The following MYO5B variants were observed in gnomAD, a reference collection of about 807,000 sequenced individuals.
MYO5B encodes unconventional myosin-Vb.
MYO5B carries 143 observed loss-of-function variants against 229.3 expected under a neutral mutation model. That is an observed-to-expected ratio of 0.62 (90% CI 0.54 to 0.72). The LOEUF is 0.72. Among genes scored for constraint, MYO5B ranks in the 30% least tolerant of loss-of-function variants. The probability of loss-of-function intolerance (pLI) is 0.00; values close to 1 mark genes in which losing one functional copy is unlikely to be tolerated. For missense variants in MYO5B, 2,321 were observed against 2,331.0 expected (o/e 1.00, Z 0.09); for synonymous variants, 918 against 885.2 (o/e 1.04, Z -0.66).
At chr18:50,118,894 C>T (rs113503230) in intron 1 of MYO5B, among the ~76,000 whole-genome samples, 2,787 of 152,270 alleles carry the variant, frequency 0.018, 43 homozygotes, top group Non-Finnish European at 0.025. Context: ...TAGTCACAGA[C>T]CACACTAAGA....
At chr18:49,878,364 G>A (rs4939908) in intron 24 of MYO5B, among the ~76,000 whole-genome samples, 36,502 of 151,838 alleles carry the variant, frequency 0.24, 4,514 homozygotes, top group East Asian at 0.42. Context: ...TTGGCTGTCA[G>A]TGTGAAAATT....
At chr18:50,033,219 G>A (rs2026409676) in intron 4 of MYO5B, among the ~76,000 whole-genome samples, 1 of 152,118 alleles carries the variant, frequency 6.6e-6, no homozygotes, top group Non-Finnish European at 1.5e-5. Context: ...GTGCAAGGCA[G>A]TATCTTGTGG....
intron 1 of MYO5B, among the ~76,000 whole-genome samples, chr18:50,102,266 C>T (rs1171760030): frequency 2.0e-5 from 3 of 151,786 alleles, no homozygotes; most frequent in Non-Finnish European, 4.4e-5. Context: ...AGGGGAGAGA[C>T]GAGTTAATAG....
Position 50,171,005 on chromosome 18 carries a change from GCT to G in MYO5B, c.27+23760_27+23761del, listed in dbSNP as rs1325095988. ...GTGAACCCACACCTGCCTCCCTGAG[GCT>G]CTCTCTCCTTGCAGCTAGCATCCCC... On this transcript the variant is annotated intron_variant, in intron 1 of 39. Transcript: ENST00000285039. Among the ~76,000 whole-genome samples the G allele has an allele frequency of 2.4e-5, 3 of 127,094 alleles. 1 individual carries two copies. The highest frequency in any genetic ancestry group is 9.0e-5 in the African/African-American group (3 of 33,426). The allele number at this position is 127,094 out of a possible 152,430, so 83.4% of individuals were successfully genotyped here. A position where few individuals can be genotyped will look rare whatever the true frequency, so the allele number is the denominator to read the frequency against.
intron 1 of MYO5B, among the ~76,000 whole-genome samples, chr18:50,075,949 G>C (rs529320762): frequency 6.6e-6 from 1 of 152,334 alleles, no homozygotes; most frequent in African/African-American, 2.4e-5. Context: ...AGAATGATCA[G>C]AAGGGCTGGA....
chr18:49,911,358 A>G (rs1291269994), intron 18 of MYO5B, among the ~76,000 whole-genome samples: 1 of 152,218 alleles, frequency 6.6e-6, no homozygotes, highest in Non-Finnish European at 1.5e-5. Flanking sequence ...AGTTATAGAA[A>G]CAAATCTTCT....
chr18:50,043,630 ATATAT>A (rs925959167), intron 2 of MYO5B, among the ~76,000 whole-genome samples: 21 of 135,822 alleles, frequency 1.5e-4, no homozygotes, highest in African/African-American at 5.2e-4. Flanking sequence ...AAATATATAA[ATATAT>A]TAAATATATT....
intron 1 of MYO5B, among the ~76,000 whole-genome samples, chr18:50,110,245 T>C (rs1227851721): frequency 6.6e-6 from 1 of 152,076 alleles, no homozygotes; most frequent in Non-Finnish European, 1.5e-5. Flanking sequence ...CCCCATTTCA[T>C]GTCTCCTTTC....
chr18:49,890,573 G>T (rs1438292486), intron 22 of MYO5B, among the ~76,000 whole-genome samples: 1 of 152,178 alleles, frequency 6.6e-6, no homozygotes, highest in Middle Eastern at 3.2e-3. Context: ...TGTCTTTGGG[G>T]ATACAAATGT....
Position 49,980,471 on chromosome 18 carries a change from C to A in MYO5B, c.1029G>T (p.Glu343Asp). The A allele has an allele frequency of 6.2e-7, 1 of 1,613,514 alleles. No individual in the cohort carries two copies. The highest frequency in any genetic ancestry group is 8.5e-7 in the Non-Finnish European group (1 of 1,179,496). Reference sequence around the variant, plus strand: ...ATATACTACAGGAATCACCATCACGCTCAGCCTGAATCGCCACACTTCCAA... The same window carrying A: ...ATATACTACAGGAATCACCATCACGATCAGCCTGAATCGCCACACTTCCAA... ...LHLGSVAIQAERDGDSCSISP... is the reference protein window; with the variant it reads ...LHLGSVAIQADRDGDSCSISP... Residue 343 changes from glutamate to aspartate, a missense_variant, in exon 9 of 40, where the codon GAG becomes GAT. Transcript: ENST00000285039.
At chr18:49,931,911 C>T (rs2144200536) in intron 16 of MYO5B, among the ~76,000 whole-genome samples, 1 of 152,318 alleles carries the variant, frequency 6.6e-6, no homozygotes, top group Admixed American at 6.5e-5. Flanking sequence ...GCTGTGTTCC[C>T]CAAGCCAGCC....
intron 1 of MYO5B, among the ~76,000 whole-genome samples, chr18:50,159,817 G>T (rs967619922): frequency 2.0e-5 from 3 of 152,018 alleles, no homozygotes; most frequent in Non-Finnish European, 4.4e-5. Flanking sequence ...GCACCCCCAC[G>T]CCACTGATAT....
At chr18:49,833,577 T>C (rs1475542447) in intron 39 of MYO5B, among the ~76,000 whole-genome samples, 4 of 152,258 alleles carry the variant, frequency 2.6e-5, no homozygotes, top group Non-Finnish European at 5.9e-5. Flanking sequence ...CCTTGATCCA[T>C]TAAACCTGCA....
At chr18:50,176,480 G>A (rs955866343) in intron 1 of MYO5B, among the ~76,000 whole-genome samples, 1 of 152,154 alleles carries the variant, frequency 6.6e-6, no homozygotes, top group African/African-American at 2.4e-5. Flanking sequence ...ATGCATCCAT[G>A]AGCCAGATGT....
chr18:50,123,982 T>TGCAC (rs1436184956), intron 1 of MYO5B, among the ~76,000 whole-genome samples: 2 of 152,216 alleles, frequency 1.3e-5, no homozygotes, highest in Non-Finnish European at 1.5e-5. Context: ...AGTGAGTCTT[T>TGCAC]TGAGTGACTG....
chr18:49,971,136 A>C (rs188158739), intron 10 of MYO5B, among the ~76,000 whole-genome samples: 1 of 152,142 alleles, frequency 6.6e-6, no homozygotes, highest in Non-Finnish European at 1.5e-5. Context: ...AAAACTAAAC[A>C]ACGCTTGGGT....
intron 1 of MYO5B, among the ~76,000 whole-genome samples, chr18:50,069,111 G>T (rs909307368): frequency 6.6e-6 from 1 of 152,064 alleles, no homozygotes; most frequent in African/African-American, 2.4e-5. Context: ...CTCATCTATG[G>T]AGTCCAAAAA....
chr18:49,904,902 T>C (rs2024882740), intron 19 of MYO5B, 74 bp from the exon 20 acceptor site: 1 of 1,556,260 alleles, frequency 6.4e-7, no homozygotes, highest in African/African-American at 1.4e-5. Context: ...CCCTGAGACA[T>C]CTGCAAATGC....
intron 18 of MYO5B, among the ~76,000 whole-genome samples, chr18:49,910,068 AAGC>A (rs1307803298): frequency 6.6e-6 from 1 of 152,204 alleles, no homozygotes; most frequent in Non-Finnish European, 1.5e-5. Flanking sequence ...AGACCATGGG[AAGC>A]AGGAGGGAGA....
Sources: gnomAD v4.1 joint callset for allele counts (sites outside exome capture counted in the v4.1 genomes callset) on GRCh38, gnomAD v4.1.1 for gene constraint, MANE v1.5 for transcripts, NCBI Gene and HGNC (gene_info 2026-07-23, HGNC 2026-07-21) for gene names.